The following SCARA3 variants were observed in gnomAD, a reference collection of about 807,000 sequenced individuals.
SCARA3 encodes the protein scavenger receptor class A member 3.
A neutral mutation model predicts 47.0 loss-of-function variants in SCARA3; 39 were observed. The observed-to-expected ratio is 0.83, with a 90% CI of 0.64 to 1.08. The LOEUF (loss-of-function observed/expected upper bound fraction) is 1.08, where lower values mean the gene tolerates loss of function less well. Among genes scored for constraint, SCARA3 ranks in the 50% least tolerant of loss-of-function variants. The pLI is 0.00. For missense variants in SCARA3, 724 were observed against 792.3 expected (o/e 0.91, Z 1.04); for synonymous variants, 356 against 334.1 (o/e 1.07, Z -0.71).
At chr8:27,686,709 C>T in the SCARA3 span, among the ~76,000 whole-genome samples, 1 of 152,156 alleles carries the variant, frequency 6.6e-6, no homozygotes, top group Non-Finnish European at 1.5e-5. Context: ...TCAGATGCTG[C>T]CTATAGCAGG....
At chr8:27,648,447 A>G (rs1801555738) in intron 1 of SCARA3, among the ~76,000 whole-genome samples, 2 of 152,150 alleles carry the variant, frequency 1.3e-5, no homozygotes, top group African/African-American at 4.8e-5. Flanking sequence ...TACTAAAAAT[A>G]CAAAAAATTA....
chr8:27,692,968 A>T, the SCARA3 span, among the ~76,000 whole-genome samples: 1 of 152,052 alleles, frequency 6.6e-6, no homozygotes, highest in Non-Finnish European at 1.5e-5. Context: ...CTACAAAAAA[A>T]TACAAAAATT....
chr8:27,644,213 A>AGCCTTG (rs763037907), intron 1 of SCARA3, among the ~76,000 whole-genome samples: 9 of 152,242 alleles, frequency 5.9e-5, no homozygotes, highest in South Asian at 2.1e-4. Flanking sequence ...CTGGGTTTGC[A>AGCCTTG]GCCTTGGCCT....
chr8:27,695,032 T>C, the SCARA3 span, among the ~76,000 whole-genome samples: 59 of 152,072 alleles, frequency 3.9e-4, no homozygotes, highest in Non-Finnish European at 7.1e-4. Context: ...GAGAGGCTGA[T>C]AAGGAGTTAT....
At position 27,659,462 on chromosome 8, in the gene SCARA3, T is replaced by G; in HGVS notation, c.1292T>G (p.Leu431Arg). 6.2e-7 allele frequency: 1 copy of G among 1,613,878 alleles called. No individual in the cohort carries two copies. Among genetic ancestry groups the G allele is most frequent in the Non-Finnish European group, 8.5e-7 (1 of 1,179,944 alleles). Residue 431 changes from leucine (L) to arginine (R), a missense_variant, in exon 5 of 6, where the codon CTC becomes CGC. Transcript: ENST00000301904. ...CGGCTGGACCTCAACGTCCGGAACC[T>G]CTCCATGATCGTGGAGGAGATGAAG... ...SARLDLNVRNLSMIVEEMKAV... is the reference protein window; with the variant it reads ...SARLDLNVRNRSMIVEEMKAV...
At chr8:27,676,864 C>T (rs1400274909), downstream of SCARA3, 1 of 266,802 alleles carries the variant, frequency 3.7e-6, no homozygotes. Flanking sequence ...CAACACTCTG[C>T]CTTCTGATAA....
At chr8:27,706,890 C>G in the SCARA3 span, among the ~76,000 whole-genome samples, 1 of 151,846 alleles carries the variant, frequency 6.6e-6, no homozygotes, top group Non-Finnish European at 1.5e-5. Flanking sequence ...CGTGAAGGCA[C>G]CAGGTAGGGA....
At chr8:27,642,595 G>T (rs1801406506) in intron 1 of SCARA3, among the ~76,000 whole-genome samples, 1 of 152,188 alleles carries the variant, frequency 6.6e-6, no homozygotes, top group African/African-American at 2.4e-5. Flanking sequence ...GACCCAGGGA[G>T]GAGGATCACT....
At chr8:27,665,052 G>A (rs1286791412) in intron 5 of SCARA3, among the ~76,000 whole-genome samples, 1 of 152,184 alleles carries the variant, frequency 6.6e-6, no homozygotes, top group East Asian at 1.9e-4. Flanking sequence ...CACAGGAGCT[G>A]GCAATGCGGT....
At chr8:27,636,480 C>T (rs1185999774) in intron 1 of SCARA3, among the ~76,000 whole-genome samples, 1 of 152,154 alleles carries the variant, frequency 6.6e-6, no homozygotes, top group African/African-American at 2.4e-5. Context: ...GGCCAAAATC[C>T]TGTGAAATAG....
At chr8:27,724,526 C>T in the SCARA3 span, among the ~76,000 whole-genome samples, 1 of 152,166 alleles carries the variant, frequency 6.6e-6, no homozygotes, top group South Asian at 2.1e-4. Context: ...GGTGTGGTGG[C>T]AGGTGCCTGT....
chr8:27,699,831 G>C, the SCARA3 span, among the ~76,000 whole-genome samples: 1 of 152,064 alleles, frequency 6.6e-6, no homozygotes, highest in Non-Finnish European at 1.5e-5. Flanking sequence ...CAGTAATTAA[G>C]ACAATGAGAT....
At chr8:27,682,718 A>G in the SCARA3 span, among the ~76,000 whole-genome samples, 1 of 152,178 alleles carries the variant, frequency 6.6e-6, no homozygotes, top group Non-Finnish European at 1.5e-5. Context: ...AAACCATACC[A>G]AGTGTTGGCA....
rs757805382 is a variant in SCARA3 at position 27,651,562 on chromosome 8, C to T, written c.161C>T (p.Ser54Leu). 55 of 1,613,936 alleles carry T rather than the reference C, an allele frequency of 3.4e-5. No homozygotes were observed. Among genetic ancestry groups the T allele is most frequent in the African/African-American group, 1.1e-4 (8 of 74,942 alleles). Residue 54 changes from serine (S) to leucine (L), a missense_variant, in exon 3 of 6, where the codon TCG becomes TTG. Ser to Leu is a moderately radical substitution (Grantham distance 145). Transcript: ENST00000301904. ...CAGAAGAACCTATCTTTGCACACATCGGTGCGGATTCTTTACCTCTTCCTG... is the reference window on the plus strand; with the variant it reads ...CAGAAGAACCTATCTTTGCACACATTGGTGCGGATTCTTTACCTCTTCCTG... The part of the protein sequence containing the change: ...RCQKNLSLHT[S>L]VRILYLFLAL...
At chr8:27,660,336 A>G (rs1211719033) in intron 5 of SCARA3, among the ~76,000 whole-genome samples, 3 of 152,190 alleles carry the variant, frequency 2.0e-5, no homozygotes, top group African/African-American at 4.8e-5. Flanking sequence ...CAGAATCAAT[A>G]GTGTATAGAG....
At chr8:27,686,580 G>A in the SCARA3 span, among the ~76,000 whole-genome samples, 1 of 152,030 alleles carries the variant, frequency 6.6e-6, no homozygotes, top group African/African-American at 2.4e-5. Context: ...CCTCCTGGGG[G>A]GCCAGGCTGC....
chr8:27,634,045 C>T lies in SCARA3; in HGVS notation c.-156C>T, dbSNP rs1585265830. 4 of 510,998 alleles carry T rather than the reference C, an allele frequency of 7.8e-6. No individual in the cohort carries two copies. Among genetic ancestry groups the T allele is most frequent in the Non-Finnish European group, 1.2e-5 (4 of 332,646 alleles). 31.7% of individuals were successfully genotyped at this position (510,998 alleles called of 1,614,324 possible). A position where few individuals can be genotyped will look rare whatever the true frequency, so the allele number is the denominator to read the frequency against. On this transcript the variant is annotated 5_prime_UTR_variant, in exon 1 of 6. Coordinates refer to ENST00000301904, the MANE Select transcript of SCARA3 (RefSeq NM_016240.3). ...CCACTCCTCCCGCCGCCTCCGCAGC[C>T]CGCGCGCCGGAGCATGAGTCCCGGC...
At position 27,656,854 on chromosome 8, in the gene SCARA3, T is replaced by C; in HGVS notation, c.299T>C (p.Leu100Ser). Reference sequence around the variant, plus strand: ...TCTATTTATGACAAGAAGCTTGTGTTAATGCAGAAAAATCTCCAGGGCCTG... The same window carrying C: ...TCTATTTATGACAAGAAGCTTGTGTCAATGCAGAAAAATCTCCAGGGCCTG... The part of the protein sequence containing the change: ...TQSIYDKKLV[L>S]MQKNLQGLDP... The change falls in exon 4 of 6, where the codon TTA (leucine) becomes TCA (serine). Residue 100 changes from leucine to serine, a missense_variant. By Grantham distance (145) the Leu-to-Ser change is moderately radical. Transcript: ENST00000301904. The C allele has an allele frequency of 6.2e-7, 1 of 1,610,666 alleles. No homozygotes were observed. The highest frequency in any genetic ancestry group is 1.1e-5 in the South Asian group (1 of 90,992).
At chr8:27,652,345 T>C (rs1482166158) in intron 3 of SCARA3, among the ~76,000 whole-genome samples, 1 of 152,232 alleles carries the variant, frequency 6.6e-6, no homozygotes, top group Non-Finnish European at 1.5e-5. Context: ...ACAAATTTGA[T>C]GTTTGTAATC....
Sources: gnomAD v4.1 joint callset for allele counts (sites outside exome capture counted in the v4.1 genomes callset) on GRCh38, gnomAD v4.1.1 for gene constraint, MANE v1.5 for transcripts, NCBI Gene and HGNC (gene_info 2026-07-23, HGNC 2026-07-21) for gene names.